GALNT13: variants seen among roughly 807,000 people sequenced by gnomAD.
The protein encoded by GALNT13 is UDP-GalNAc:polypeptide N-acetylgalactosaminyltransferase 13.
Under a neutral mutation model 64.2 loss-of-function variants are expected in GALNT13, and 28 were observed. That is an observed-to-expected ratio of 0.44 (90% CI 0.32 to 0.60). The LOEUF (loss-of-function observed/expected upper bound fraction) is 0.60, where lower values mean the gene tolerates loss of function less well. Ranked by LOEUF, GALNT13 falls within the 20% of genes least tolerant of loss-of-function variation. The pLI, the probability that GALNT13 is intolerant of heterozygous loss-of-function variation, is 0.05. For missense variants in GALNT13, 577 were observed against 669.8 expected, an observed-to-expected ratio of 0.86 and a Z score of 1.53; for synonymous variants, 214 against 224.6, an observed-to-expected ratio of 0.95 and a Z score of 0.42.
At chr2:153,386,657 CTG>C in the GALNT13 span, among the ~76,000 whole-genome samples, 1 of 152,052 alleles carries the variant, frequency 6.6e-6, no homozygotes, top group Non-Finnish European at 1.5e-5. Context: ...CGCTTGGAAA[CTG>C]TTAAATTAAT....
chr2:154,222,397 A>G (rs1688369456), intron 4 of GALNT13, among the ~76,000 whole-genome samples: 1 of 152,182 alleles, frequency 6.6e-6, no homozygotes, highest in African/African-American at 2.4e-5. Flanking sequence ...CAATATCATG[A>G]AAGATAAAGA....
At chr2:153,839,106 G>C in the GALNT13 span, among the ~76,000 whole-genome samples, 25 of 151,702 alleles carry the variant, frequency 1.6e-4, no homozygotes, top group Non-Finnish European at 3.5e-4. Context: ...TGTTTTGTAG[G>C]TTGATTTTGT....
chr2:153,105,779 G>A, the GALNT13 span, among the ~76,000 whole-genome samples: 1 of 152,030 alleles, frequency 6.6e-6, no homozygotes, highest in African/African-American at 2.4e-5. Context: ...GCTTCAAAGA[G>A]AATAAAATAC....
the GALNT13 span, among the ~76,000 whole-genome samples, chr2:153,605,176 G>C: frequency 6.6e-6 from 1 of 152,034 alleles, no homozygotes; most frequent in Non-Finnish European, 1.5e-5. Flanking sequence ...ATTCCAAATA[G>C]CTTTTTCGCA....
the GALNT13 span, among the ~76,000 whole-genome samples, chr2:153,570,497 A>G: frequency 6.6e-6 from 1 of 152,038 alleles, no homozygotes; most frequent in South Asian, 2.1e-4. Context: ...TTGGTTGCCT[A>G]TGCTTGTGAA....
At chr2:153,758,555 T>C in the GALNT13 span, among the ~76,000 whole-genome samples, 5 of 152,286 alleles carry the variant, frequency 3.3e-5, no homozygotes, top group East Asian at 1.9e-4. Flanking sequence ...AGAATTTTCA[T>C]CAATATGTAG....
intron 3 of GALNT13, among the ~76,000 whole-genome samples, chr2:154,091,280 C>A (rs1384389029): frequency 1.3e-5 from 2 of 151,710 alleles, no homozygotes; most frequent in African/African-American, 4.8e-5. Context: ...ACTTGTATAG[C>A]CATATAAGGA....
chr2:153,703,466 GT>G, the GALNT13 span, among the ~76,000 whole-genome samples: 1 of 151,462 alleles, frequency 6.6e-6, no homozygotes, highest in South Asian at 2.1e-4. Flanking sequence ...TTGGGATTAT[GT>G]TTTTTTTCTA....
chr2:153,396,452 A>G, the GALNT13 span, among the ~76,000 whole-genome samples: 1 of 152,056 alleles, frequency 6.6e-6, no homozygotes, highest in Non-Finnish European at 1.5e-5. Context: ...GTGATAAAAC[A>G]TGAGATTAAT....
the GALNT13 span, among the ~76,000 whole-genome samples, chr2:153,835,334 C>T: frequency 1.3e-5 from 2 of 152,082 alleles, no homozygotes; most frequent in African/African-American, 4.8e-5. Flanking sequence ...AATTGCAAAA[C>T]ACAAGAATTA....
the GALNT13 span, among the ~76,000 whole-genome samples, chr2:153,795,309 G>A: frequency 5.9e-5 from 9 of 152,242 alleles, no homozygotes; most frequent in East Asian, 1.4e-3. Context: ...TGTACCGTAC[G>A]TGATTTTGTA....
At chr2:153,439,817 C>G in the GALNT13 span, among the ~76,000 whole-genome samples, 2 of 152,146 alleles carry the variant, frequency 1.3e-5, no homozygotes, top group African/African-American at 4.8e-5. Flanking sequence ...GTGCACTGCA[C>G]CCACTGTCCT....
At chr2:154,215,275 A>T (rs892494677) in intron 4 of GALNT13, among the ~76,000 whole-genome samples, 1 of 152,132 alleles carries the variant, frequency 6.6e-6, no homozygotes, top group Admixed American at 6.5e-5. Flanking sequence ...TTTTTAATAT[A>T]CCACTTCTAT....
At chr2:153,330,921 G>A in the GALNT13 span, among the ~76,000 whole-genome samples, 1 of 152,126 alleles carries the variant, frequency 6.6e-6, no homozygotes, top group African/African-American at 2.4e-5. Context: ...GTTTGTCATA[G>A]ATGGCTCTTA....
chr2:153,248,838 G>GAAA, the GALNT13 span, among the ~76,000 whole-genome samples: 499 of 138,088 alleles, frequency 3.6e-3, 3 homozygotes, highest in African/African-American at 0.012. Context: ...AGAAAAAAAA[G>GAAA]AAAAAAAAAA....
chr2:153,146,644 G>A, the GALNT13 span, among the ~76,000 whole-genome samples: 24,039 of 151,808 alleles, frequency 0.16, 2,003 homozygotes, highest in East Asian at 0.3. Flanking sequence ...AAGTCAGCCA[G>A]TCTTCTTGAA....
chr2:153,456,102 T>A, the GALNT13 span, among the ~76,000 whole-genome samples: 5 of 152,100 alleles, frequency 3.3e-5, no homozygotes, highest in Non-Finnish European at 2.9e-5. Context: ...GGAATTTTTA[T>A]AGACACATGA....
chr2:154,408,843 G>A (rs943928120), intron 10 of GALNT13, 141 bp from the exon 11 acceptor site: 6 of 627,336 alleles, frequency 9.6e-6, no homozygotes, highest in Admixed American at 2.9e-5. Flanking sequence ...AATATTTAAA[G>A]TAATATGTTT....
At chr2:153,945,855 A>G (rs559390640) in intron 3 of GALNT13, among the ~76,000 whole-genome samples, 135 of 152,284 alleles carry the variant, frequency 8.9e-4, no homozygotes, top group African/African-American at 3.2e-3. Flanking sequence ...AATCTTCTGA[A>G]TCGCTTCCTT....
Sources: gnomAD v4.1 joint callset for allele counts (sites outside exome capture counted in the v4.1 genomes callset) on GRCh38, gnomAD v4.1.1 for gene constraint, MANE v1.5 for transcripts, NCBI Gene and HGNC (gene_info 2026-07-23, HGNC 2026-07-21) for gene names.